Variants in DOK5 observed in about 807,000 individuals in gnomAD.
DOK5 encodes the protein docking protein 5, also known as downstream of tyrosine kinase 5.
A neutral mutation model predicts 43.3 loss-of-function variants in DOK5; 27 were observed. The ratio of observed to expected loss-of-function variants is 0.62; its 90% CI spans 0.46 to 0.86. The LOEUF (loss-of-function observed/expected upper bound fraction) is 0.86, where lower values mean the gene tolerates loss of function less well. Among genes scored for constraint, DOK5 ranks in the 40% least tolerant of loss-of-function variants. DOK5 has a pLI of 0.00. For missense variants in DOK5, 373 were observed against 392.9 expected (o/e 0.95, Z 0.43); for synonymous variants, 146 against 140.1 (o/e 1.04, Z -0.30).
At chr20:54,526,118 G>A (rs192583658) in intron 1 of DOK5, among the ~76,000 whole-genome samples, 68 of 150,326 alleles carry the variant, frequency 4.5e-4, no homozygotes, top group Admixed American at 2.4e-3. Context: ...AGAAGCCTGC[G>A]TGAAAGTAAA....
chr20:54,520,370 T>C (rs1299354318), intron 1 of DOK5, among the ~76,000 whole-genome samples: 1 of 152,170 alleles, frequency 6.6e-6, no homozygotes, highest in East Asian at 1.9e-4. Flanking sequence ...ATTTCATATA[T>C]AATCACCTGG....
At chr20:54,506,862 C>G (rs1982823794) in intron 1 of DOK5, among the ~76,000 whole-genome samples, 1 of 152,216 alleles carries the variant, frequency 6.6e-6, no homozygotes, top group Admixed American at 6.5e-5. Flanking sequence ...ACCTGGCGAT[C>G]ATACGCGAGG....
intron 1 of DOK5, chr20:54,495,083 T>C (rs371479687): frequency 1.3e-5 from 2 of 151,976 alleles, no homozygotes; most frequent in East Asian, 1.9e-4. Context: ...TTATTTACTA[T>C]GTTGTTAAAA....
At position 54,588,603 on chromosome 20, in the gene DOK5, T is replaced by TA. The variant is rs2076022115; in HGVS notation, c.289+6_289+7insA. Reference sequence around the variant, plus strand: ...GACTTTTGCTTGCGAATCAGGTTTGTCTCAGGCAGGGCTGGGGGGCTTTTG... The same window carrying TA: ...GACTTTTGCTTGCGAATCAGGTTTGTACTCAGGCAGGGCTGGGGGGCTTTTG... On this transcript the variant is annotated splice_region_variant and intron_variant, in intron 3 of 7. Coordinates refer to ENST00000262593, the MANE Select transcript of DOK5 (RefSeq NM_018431.5). 6.2e-7 allele frequency: 1 copy of TA among 1,614,058 alleles called. No homozygotes were observed. The highest frequency in any genetic ancestry group is 8.5e-7 in the Non-Finnish European group (1 of 1,179,994).
chr20:54,540,647 G>A (rs1350527494), intron 1 of DOK5, among the ~76,000 whole-genome samples: 1 of 152,066 alleles, frequency 6.6e-6, no homozygotes, highest in African/African-American at 2.4e-5. Flanking sequence ...CTCCCAAGTA[G>A]CTGGGACCAC....
intron 6 of DOK5, among the ~76,000 whole-genome samples, chr20:54,615,583 GC>G (rs1368399789): frequency 6.6e-6 from 1 of 152,146 alleles, no homozygotes; most frequent in Non-Finnish European, 1.5e-5. Flanking sequence ...GGGACTGTGA[GC>G]CAAAAGATGT....
chr20:54,517,704 C>A (rs774381020), intron 1 of DOK5, among the ~76,000 whole-genome samples: 27 of 152,236 alleles, frequency 1.8e-4, no homozygotes, highest in Non-Finnish European at 3.4e-4. Flanking sequence ...ATGTGGAAAT[C>A]CTAACCCCCA....
chr20:54,501,884 T>C (rs143256007), intron 1 of DOK5, among the ~76,000 whole-genome samples: 2 of 152,356 alleles, frequency 1.3e-5, no homozygotes, highest in African/African-American at 2.4e-5. Flanking sequence ...TTAATATTGG[T>C]TTCTGACTTT....
intron 6 of DOK5, among the ~76,000 whole-genome samples, chr20:54,638,752 C>CTTTTTTTTTTTTTTTTTTTTTTTTTT (rs11476340): frequency 2.0e-5 from 2 of 98,534 alleles, no homozygotes; most frequent in African/African-American, 3.7e-5. Flanking sequence ...CTTTTCTTTT[C>CTTTTTTTTTTTTTTTTTTTTTTTTTT]TTTTTTTTTT....
intron 1 of DOK5, among the ~76,000 whole-genome samples, chr20:54,512,878 G>A (rs2146688961): frequency 6.6e-6 from 1 of 152,240 alleles, no homozygotes; most frequent in African/African-American, 2.4e-5. Flanking sequence ...ATTTGTGGGG[G>A]CCTAAGCATG....
intron 6 of DOK5, among the ~76,000 whole-genome samples, chr20:54,615,294 C>T (rs1986771194): frequency 6.6e-6 from 1 of 152,138 alleles, no homozygotes. Context: ...AATAATGGCT[C>T]CCCAAATACG....
chr20:54,573,751 G>A (rs930692380), intron 2 of DOK5, among the ~76,000 whole-genome samples: 1 of 149,942 alleles, frequency 6.7e-6, no homozygotes, highest in East Asian at 2.0e-4. Flanking sequence ...TTTCAGTAGA[G>A]TGTCTTCCAC....
intron 1 of DOK5, among the ~76,000 whole-genome samples, chr20:54,502,067 C>A (rs531984959): frequency 1.4e-4 from 22 of 152,304 alleles, no homozygotes; most frequent in African/African-American, 5.3e-4. Context: ...AAAGAGAGAG[C>A]GTGCTCATTT....
chr20:54,515,728 G>A (rs376904925), intron 1 of DOK5, among the ~76,000 whole-genome samples: 13 of 152,174 alleles, frequency 8.5e-5, no homozygotes, highest in East Asian at 7.7e-4. Context: ...TCATTTTTTT[G>A]TATTGGTTAC....
intron 1 of DOK5, among the ~76,000 whole-genome samples, chr20:54,503,545 T>G (rs938794490): frequency 1.3e-5 from 2 of 152,240 alleles, no homozygotes; most frequent in African/African-American, 4.8e-5. Context: ...TATGTGTGAA[T>G]AGTTTTCACT....
intron 5 of DOK5, among the ~76,000 whole-genome samples, chr20:54,597,140 T>C (rs147972213): frequency 1.3e-5 from 2 of 152,300 alleles, no homozygotes; most frequent in African/African-American, 4.8e-5. Flanking sequence ...CAATATAGCA[T>C]TTAATAATTG....
At position 54,633,092 on chromosome 20, in the gene DOK5, CAAAAAACA is replaced by C. The variant is rs1313417003; in HGVS notation, c.736-10359_736-10352del. ...ATCTCAAAAACAAAACAAAACAAAA[CAAAAAACA>C]AAAAAAACAAATGCCTGGGCTCCAC... On this transcript the variant is annotated intron_variant, in intron 6 of 7. Transcript: ENST00000262593. Among the ~76,000 whole-genome samples, 567 of 112,350 alleles carry C rather than the reference CAAAAAACA, an allele frequency of 5.0e-3. 1 individual carries two copies. The highest frequency in any genetic ancestry group is 0.037 in the African/African-American group (533 of 14,218). The allele number at this position is 112,350 out of a possible 152,430, so 73.7% of individuals were successfully genotyped here.
intron 1 of DOK5, among the ~76,000 whole-genome samples, chr20:54,551,132 G>T (rs988749418): frequency 2.6e-4 from 39 of 152,204 alleles, no homozygotes; most frequent in African/African-American, 9.2e-4. Context: ...GTTTTAATTT[G>T]CCCTTCCCTC....
At chr20:54,603,699 C>T (rs6014080) in intron 5 of DOK5, among the ~76,000 whole-genome samples, 27,256 of 151,988 alleles carry the variant, frequency 0.18, 4,583 homozygotes, top group African/African-American at 0.44. Context: ...TAACAAAGCA[C>T]GATCAGACCA....
Sources: allele counts gnomAD v4.1 joint callset (sites outside exome capture counted in the v4.1 genomes callset), GRCh38; gene constraint gnomAD v4.1.1; transcripts MANE v1.5; gene names NCBI Gene and HGNC (gene_info 2026-07-23, HGNC 2026-07-21).